Variants in RBBP6 observed in about 807,000 individuals in gnomAD.
The protein encoded by RBBP6 is RB binding protein 6, ubiquitin ligase.
A neutral mutation model predicts 167.7 loss-of-function variants in RBBP6; 25 were observed. The ratio of observed to expected loss-of-function variants is 0.15; its 90% CI spans 0.11 to 0.21. The LOEUF is 0.21. RBBP6 is among the 10% of genes least tolerant of loss of function. The pLI is 1.00. For synonymous variants in RBBP6, 789 were observed against 735.8 expected (o/e 1.07, Z -1.17); for missense variants, 1,868 against 2,134.2 (o/e 0.88, Z 2.46).
At chr16:24,554,224 A>G (rs1310686077) in intron 4 of RBBP6, 2 of 151,956 alleles carry the variant, frequency 1.3e-5, no homozygotes, top group African/African-American at 4.8e-5. Context: ...TCTGCTCAAC[A>G]ATGTGTATCT....
At chr16:24,568,598 A>G (rs762010282) in intron 16 of RBBP6, 147 bp from the exon 17 acceptor site, 26 of 1,159,778 alleles carry the variant, frequency 2.2e-5, no homozygotes, top group Non-Finnish European at 3.1e-5. Context: ...ATTCCAGTAG[A>G]GGTCACTGTG....
intron 6 of RBBP6, 94 bp downstream of exon 6, chr16:24,556,011 T>C (rs1898904686): frequency 7.0e-6 from 8 of 1,147,778 alleles, no homozygotes; most frequent in African/African-American, 1.6e-5. Context: ...TACTGCCTTC[T>C]GTAGACAATG....
chr16:24,555,798 G>A (rs1898899419), intron 5 of RBBP6, 23 bp from the exon 6 acceptor site: 2 of 1,587,934 alleles, frequency 1.3e-6, no homozygotes, highest in African/African-American at 1.3e-5. Flanking sequence ...TCGTATACAT[G>A]TAATTTTTTT....
At position 24,562,304 on chromosome 16, in the gene RBBP6, T is replaced by C. The variant is rs182987072; in HGVS notation, c.1289+143T>C. On this transcript the variant is annotated intron_variant, in intron 10 of 17. Transcript: ENST00000319715. ...ATGACTTGTAAGAAGTGACTTAGTC[T>C]TATTGGGGGAAGAGGAAAACAAACG... is the stretch of plus-strand genomic sequence containing the variant. 56 of 799,744 alleles carry C rather than the reference T, an allele frequency of 7.0e-5. No individual in the cohort carries two copies. In the African/African-American group the frequency reaches 9.2e-4, roughly 13 times the overall value. 49.5% of individuals were successfully genotyped at this position (799,744 alleles called of 1,614,324 possible).
chr16:24,571,666 T>C lies in RBBP6; in HGVS notation c.4600T>C (p.Ser1534Pro). The C allele has an allele frequency of 6.2e-7, 1 of 1,613,732 alleles. No individual in the cohort carries two copies. Among genetic ancestry groups the C allele is most frequent in the East Asian group, 2.2e-5 (1 of 44,852 alleles). The change falls in exon 18 of 18, where the codon TCT (serine) becomes CCT (proline). Residue 1534 changes from serine (S) to proline (P), a missense_variant. Around this residue, in one of 7 missense-constraint regions of RBBP6, gnomAD observed 591 missense variants for 540.5 expected, o/e 1.09. Transcript: ENST00000319715. The part of the protein sequence containing the change: ...KGTGDSKKSN[S>P]SPSRDRKPHD... ...AACAGGAGATTCCAAAAAAAGTAATTCTAGTCCCTCAAGAGACAGAAAACC... is the reference window on the plus strand; with the variant it reads ...AACAGGAGATTCCAAAAAAAGTAATCCTAGTCCCTCAAGAGACAGAAAACC...
At position 24,559,599 on chromosome 16, in the gene RBBP6, T is replaced by C. The variant is rs773023307; in HGVS notation, c.769T>C (p.Leu257=). 1.2e-6 allele frequency: 2 copies of C among 1,606,214 alleles called. No individual in the cohort carries two copies. Among genetic ancestry groups the C allele is most frequent in the South Asian group, 1.1e-5 (1 of 88,996 alleles). Residue 257 remains leucine, a synonymous_variant, in exon 8 of 18, where the codon TTG becomes CTG. Coordinates refer to ENST00000319715, the MANE Select transcript of RBBP6 (RefSeq NM_006910.5). ...SEEDDPIPDE[L]LCLICKDIMT... is the part of the protein sequence containing the mutation. ...AGAAGATGATCCTATCCCAGATGAATTGTTGTGTCTCATCTGCAAGGATAT... is the reference window on the plus strand; with the variant it reads ...AGAAGATGATCCTATCCCAGATGAACTGTTGTGTCTCATCTGCAAGGATAT...
intron 11 of RBBP6, 26 bp from the exon 12 acceptor site, chr16:24,563,397 C>A (rs746195891): frequency 4.0e-5 from 41 of 1,032,886 alleles, no homozygotes; most frequent in Non-Finnish European, 4.9e-5. Context: ...TTAACTATTT[C>A]TGTTTATTTG....
chr16:24,556,585 G>A (rs1898917362), intron 7 of RBBP6, 138 bp downstream of exon 7: 2 of 1,002,506 alleles, frequency 2.0e-6, no homozygotes, highest in Non-Finnish European at 1.3e-6. Flanking sequence ...TCTACATCTT[G>A]CATTTCTGTG....
At chr16:24,558,844 T>C (rs1376654036) in intron 7 of RBBP6, among the ~76,000 whole-genome samples, 1 of 152,250 alleles carries the variant, frequency 6.6e-6, no homozygotes, top group Admixed American at 6.5e-5. Flanking sequence ...AAGTCACTAA[T>C]GCTTCTTAAT....
At chr16:24,560,003 A>C (rs1297590804) in intron 8 of RBBP6, among the ~76,000 whole-genome samples, 2 of 152,026 alleles carry the variant, frequency 1.3e-5, no homozygotes, top group Non-Finnish European at 2.9e-5. Context: ...GGCCTTAGAT[A>C]ATTCTGGAAA....
chr16:24,567,638 TACAA>T, intron 15 of RBBP6, 133 bp downstream of exon 15: 1 of 1,287,594 alleles, frequency 7.8e-7, no homozygotes, highest in Non-Finnish European at 1.1e-6. Flanking sequence ...ACCAAAGCCA[TACAA>T]GCAACTTCTC....
chr16:24,564,153 C>T (rs1158471127), intron 13 of RBBP6, among the ~76,000 whole-genome samples: 3 of 151,952 alleles, frequency 2.0e-5, no homozygotes, highest in African/African-American at 7.3e-5. Context: ...ATACAAAGAA[C>T]TTTGATTTTC....
Position 24,567,299 on chromosome 16 carries a change from G to C in RBBP6, c.1746G>C (p.Gln582His). 6.2e-7 allele frequency: 1 copy of C among 1,613,996 alleles called. No homozygotes were observed. Among genetic ancestry groups the C allele is most frequent in the Non-Finnish European group, 8.5e-7 (1 of 1,179,976 alleles). Residue 582 changes from glutamine (Q) to histidine (H), a missense_variant, in exon 15 of 18, where the codon CAG (glutamine) becomes CAC (histidine). By Grantham distance (24) the Gln-to-His change is conservative (BLOSUM62 0). Transcript: ENST00000319715. ...TCCCTCCGGGTGTTCCTCCTCCACA[G>C]TTTTCTCCTCAGTTTCCTCCTGGCC... Reference protein sequence around the residue: ...LPLPPGVPPPQFSPQFPPGQP... With the variant: ...LPLPPGVPPPHFSPQFPPGQP...
chr16:24,568,079 T>C (rs559866412), intron 16 of RBBP6, among the ~76,000 whole-genome samples, 186 bp downstream of exon 16: 3 of 152,364 alleles, frequency 2.0e-5, no homozygotes, highest in Admixed American at 1.3e-4. Flanking sequence ...GTAAATTTTA[T>C]TGTGTAGAAC....
At position 24,562,073 on chromosome 16, in the gene RBBP6, A is replaced by G; in HGVS notation, c.1201A>G (p.Asn401Asp). The change falls in exon 10 of 18, where the codon AAT becomes GAT. Residue 401 changes from asparagine to aspartate, a missense_variant. Asn to Asp is a conservative substitution (Grantham distance 23). Transcript: ENST00000319715. ...QSSLAPPVSG[N>D]PSSAPAPVPD... ...TTCCTTGGCCCCTCCTGTGTCTGGA[A>G]ATCCGTCTTCTGCTCCAGCTCCTGT... is the stretch of plus-strand genomic sequence containing the variant. 1 of 1,613,476 alleles carries G rather than the reference A, an allele frequency of 6.2e-7. No individual in the cohort carries two copies. The highest frequency in any genetic ancestry group is 8.5e-7 in the Non-Finnish European group (1 of 1,179,522).
chr16:24,549,011 C>A, intron 3 of RBBP6, 30 bp downstream of exon 3: 4 of 1,605,462 alleles, frequency 2.5e-6, no homozygotes, highest in Non-Finnish European at 3.4e-6. Context: ...CACACTTTTT[C>A]TACACATTGC....
chr16:24,544,615 T>C (rs1435028959), intron 1 of RBBP6, among the ~76,000 whole-genome samples: 1 of 152,232 alleles, frequency 6.6e-6, no homozygotes, highest in Non-Finnish European at 1.5e-5. Flanking sequence ...AAGGCCTGGT[T>C]GTGTGATTAA....
Position 24,540,234 on chromosome 16 carries a change from C to T in RBBP6, c.-393C>T, listed in dbSNP as rs985988002. On this transcript the variant is annotated 5_prime_UTR_variant, in exon 1 of 18. Transcript: ENST00000319715. ...CCGGGAGGTGCGGCCGCGCTATGGACCCCTGACCCCGTGGGGTCGCTCGGA... is the reference window on the plus strand; with the variant it reads ...CCGGGAGGTGCGGCCGCGCTATGGATCCCTGACCCCGTGGGGTCGCTCGGA... 5 of 160,520 alleles carry T rather than the reference C, an allele frequency of 3.1e-5. No individual in the cohort carries two copies. Among genetic ancestry groups the T allele is most frequent in the Non-Finnish European group, 6.9e-5 (5 of 72,742 alleles). 9.9% of individuals were successfully genotyped at this position (160,520 alleles called of 1,614,324 possible).
rs200408370 is a variant in RBBP6, at chr16:24,543,292, C to CTT, written c.166+2517_166+2518dup. On this transcript the variant is annotated intron_variant, in intron 1 of 17. Transcript: ENST00000319715. ...ATGTGCATGTTTAGGTCCCTTAAAT[C>CTT]TTTTTTTTTTTTTTTTTTGGAGACA... Among the ~76,000 whole-genome samples, 93 of 126,158 alleles carry CTT rather than the reference C, an allele frequency of 7.4e-4. 1 individual carries two copies. Among genetic ancestry groups the CTT allele is most frequent in the South Asian group, 3.4e-3 (13 of 3,790 alleles). The allele number at this position is 126,158 out of a possible 152,430, so 82.8% of individuals were successfully genotyped here. A position where few individuals can be genotyped will look rare whatever the true frequency, so the allele number is the denominator to read the frequency against.
Sources: allele counts gnomAD v4.1 joint callset (sites outside exome capture counted in the v4.1 genomes callset), GRCh38; gene constraint gnomAD v4.1.1; regional missense constraint gnomAD v4.1.1; transcripts MANE v1.5; gene names NCBI Gene and HGNC (gene_info 2026-07-23, HGNC 2026-07-21).